The following DNAH5 variants were observed in gnomAD, a reference collection of about 807,000 sequenced individuals.
DNAH5 encodes axonemal beta dynein heavy chain 5.
A neutral mutation model predicts 518.2 loss-of-function variants in DNAH5; 372 were observed. The observed-to-expected ratio is 0.72, with a 90% confidence interval of 0.66 to 0.78. The LOEUF (loss-of-function observed/expected upper bound fraction) is 0.78, where lower values mean the gene tolerates loss of function less well. Ranked by LOEUF, DNAH5 falls within the 30% of genes least tolerant of loss-of-function variation. DNAH5 has a pLI of 0.00. For synonymous variants in DNAH5, 2,039 were observed against 2,025.9 expected, an observed-to-expected ratio of 1.01 and a Z score of -0.17; for missense variants, 5,523 against 5,687.0, an observed-to-expected ratio of 0.97 and a Z score of 0.93.
At chr5:13,917,918 T>C (rs1776815007) in intron 7 of DNAH5, among the ~76,000 whole-genome samples, 1 of 152,176 alleles carries the variant, frequency 6.6e-6, no homozygotes, top group African/African-American at 2.4e-5. Context: ...AACATGCAAA[T>C]AGCTAATAAC....
intron 78 of DNAH5, among the ~76,000 whole-genome samples, chr5:13,694,224 A>G (rs2126351198): frequency 6.6e-6 from 1 of 152,332 alleles, no homozygotes; most frequent in Non-Finnish European, 1.5e-5. Flanking sequence ...CATTCTCTTC[A>G]ATAAGCAGGT....
At chr5:13,794,389 C>T (rs186407947) in intron 47 of DNAH5, among the ~76,000 whole-genome samples, 4 of 152,286 alleles carry the variant, frequency 2.6e-5, no homozygotes, top group South Asian at 2.1e-4. Flanking sequence ...CAAAGTCTTG[C>T]TAATAGTTTC....
At chr5:13,695,301 C>CTGTA (rs891244015) in intron 78 of DNAH5, among the ~76,000 whole-genome samples, 14 of 152,192 alleles carry the variant, frequency 9.2e-5, no homozygotes, top group African/African-American at 3.1e-4. Context: ...ACTTTTCAGC[C>CTGTA]TGTAGCATGA....
At chr5:13,966,826 C>A (rs1404933432) in intron 1 of DNAH5, among the ~76,000 whole-genome samples, 1 of 152,098 alleles carries the variant, frequency 6.6e-6, no homozygotes, top group Non-Finnish European at 1.5e-5. Flanking sequence ...CTGATTATTT[C>A]TTTTGCTATG....
intron 65 of DNAH5, among the ~76,000 whole-genome samples, chr5:13,745,574 T>C (rs1749221056): frequency 6.6e-6 from 1 of 152,074 alleles, no homozygotes; most frequent in Non-Finnish European, 1.5e-5. Context: ...TCTGTATCCC[T>C]AGGACACAGA....
In DNAH5 at chr5:13,737,644, G is replaced by C. The variant is rs1747723549; in HGVS notation, c.11212-149C>G. ...GAAATATGGACATCAAAAAAGAAGG[G>C]CCGGGCGCAGGGGCTCACACCTGTA... is the stretch of plus-strand genomic sequence containing the variant. On this transcript the variant is annotated intron_variant, in intron 65 of 78. Transcript: ENST00000265104. The C allele has an allele frequency of 9.0e-6, 8 of 886,242 alleles. No homozygotes were observed. The East Asian group carries it at 2.1e-4, about 24-fold the overall frequency. 54.9% of individuals were successfully genotyped at this position (886,242 alleles called of 1,614,324 possible). A position where few individuals can be genotyped will look rare whatever the true frequency, so the allele number is the denominator to read the frequency against.
In DNAH5 at chr5:13,729,585, C is replaced by T. The variant is rs545864600; in HGVS notation, c.11762-25G>A. On this transcript the variant is annotated intron_variant, in intron 68 of 78. Coordinates refer to ENST00000265104, the MANE Select transcript of DNAH5 (RefSeq NM_001369.3). ...CCTTTAAAATTAAATATTAAATTATCAGATTTCCCTTCCTTCACTATAAAA... is the reference window on the plus strand; with the variant it reads ...CCTTTAAAATTAAATATTAAATTATTAGATTTCCCTTCCTTCACTATAAAA... The T allele has an allele frequency of 1.9e-6, 3 of 1,591,312 alleles. No individual in the cohort carries two copies. The South Asian group carries it at 3.4e-5, about 18-fold the overall frequency.
chr5:13,987,837 C>T (rs1427530685), intron 1 of DNAH5, among the ~76,000 whole-genome samples: 4 of 142,156 alleles, frequency 2.8e-5, no homozygotes, highest in African/African-American at 1.1e-4. Flanking sequence ...CTGGGCAAGT[C>T]TCAAAAAAAA....
chr5:13,938,568 C>T (rs1373977), intron 1 of DNAH5, among the ~76,000 whole-genome samples: 21,509 of 150,396 alleles, frequency 0.14, 2,903 homozygotes, highest in African/African-American at 0.36. Flanking sequence ...AATATATAAA[C>T]GTACATATAT....
intron 55 of DNAH5, among the ~76,000 whole-genome samples, chr5:13,772,957 A>T (rs912334248): frequency 2.0e-5 from 3 of 152,214 alleles, no homozygotes; most frequent in Non-Finnish European, 4.4e-5. Flanking sequence ...AATAAATAAC[A>T]CTGAAATCCC....
At chr5:13,859,898 A>G (rs182576153) in intron 29 of DNAH5, among the ~76,000 whole-genome samples, 1 of 152,078 alleles carries the variant, frequency 6.6e-6, no homozygotes, top group East Asian at 1.9e-4. Context: ...TAATATAATT[A>G]CCCTCAGTGC....
intron 1 of DNAH5, among the ~76,000 whole-genome samples, chr5:13,990,897 C>G (rs1783494148): frequency 6.6e-6 from 1 of 152,094 alleles, no homozygotes; most frequent in South Asian, 2.1e-4. Flanking sequence ...AAAGTGTAAC[C>G]AGAAAAAAGA....
intron 50 of DNAH5, among the ~76,000 whole-genome samples, chr5:13,790,832 A>G (rs1317358102): frequency 9.2e-5 from 14 of 152,132 alleles, no homozygotes; most frequent in Non-Finnish European, 2.1e-4. Context: ...GGACTAATAC[A>G]CCACATGTTC....
rs541378298 is a variant in DNAH5, at chr5:13,879,205, C to T, written c.3263-2388G>A. 7.9e-5 allele frequency among the ~76,000 whole-genome samples: 12 copies of T among 152,260 alleles called. No homozygotes were observed. In the South Asian group the frequency reaches 2.5e-3, roughly 32 times the overall value. On this transcript the variant is annotated intron_variant, in intron 21 of 78. Transcript: ENST00000265104. ...GAAAATGAACAAAAACAGGGAAATA[C>T]AGTTCAAATAAAATAACCAAATAAA...
intron 76 of DNAH5, among the ~76,000 whole-genome samples, chr5:13,702,547 G>C (rs533761158): frequency 5.3e-5 from 8 of 152,284 alleles, no homozygotes; most frequent in African/African-American, 1.9e-4. Flanking sequence ...GGGTGATCTG[G>C]TTTGGTAGGG....
At chr5:13,964,755 G>A (rs911912727) in intron 1 of DNAH5, among the ~76,000 whole-genome samples, 1 of 152,242 alleles carries the variant, frequency 6.6e-6, no homozygotes, top group African/African-American at 2.4e-5. Context: ...ATCTGAGGGT[G>A]ATGCCAACGT....
chr5:13,824,483 A>G, intron 38 of DNAH5, 150 bp from the exon 39 acceptor site: 2 of 748,554 alleles, frequency 2.7e-6, no homozygotes. Flanking sequence ...AAATATTTCT[A>G]TATAGATATA....
At chr5:13,880,566 G>A (rs184148071) in intron 21 of DNAH5, among the ~76,000 whole-genome samples, 1 of 151,942 alleles carries the variant, frequency 6.6e-6, no homozygotes, top group Non-Finnish European at 1.5e-5. Context: ...ATGAGGTGGG[G>A]AGTAAAAGTA....
At chr5:13,906,457 T>A (rs10078221) in intron 12 of DNAH5, among the ~76,000 whole-genome samples, 1 of 151,994 alleles carries the variant, frequency 6.6e-6, no homozygotes, top group African/African-American at 2.4e-5. Flanking sequence ...TTTAATGAGG[T>A]GTAAAATATT....
Sources: allele counts gnomAD v4.1 joint callset (sites outside exome capture counted in the v4.1 genomes callset), GRCh38; gene constraint gnomAD v4.1.1; transcripts MANE v1.5; gene names NCBI Gene and HGNC (gene_info 2026-07-23, HGNC 2026-07-21).